The following CLSTN2 variants were observed in gnomAD, a reference collection of about 807,000 sequenced individuals.
CLSTN2 encodes calsyntenin-2.
Under a neutral mutation model 101.2 loss-of-function variants are expected in CLSTN2, and 48 were observed. The observed-to-expected ratio is 0.47, with a 90% confidence interval of 0.38 to 0.60. CLSTN2 has a LOEUF of 0.60. Among genes scored for constraint, CLSTN2 ranks in the 20% least tolerant of loss-of-function variants. The pLI, the probability that CLSTN2 is intolerant of heterozygous loss-of-function variation, is 0.00. For synonymous variants in CLSTN2, 481 were observed against 463.6 expected (o/e 1.04, Z -0.48); for missense variants, 1,160 against 1,238.2 (o/e 0.94, Z 0.95).
chr3:140,301,621 G>A (rs2087059586), intron 2 of CLSTN2, among the ~76,000 whole-genome samples: 1 of 152,178 alleles, frequency 6.6e-6, no homozygotes, highest in African/African-American at 2.4e-5. Flanking sequence ...ATGGATTCTT[G>A]CCCCAAAAGG....
chr3:140,415,645 A>G (rs2088424572), intron 4 of CLSTN2, among the ~76,000 whole-genome samples: 1 of 152,170 alleles, frequency 6.6e-6, no homozygotes, highest in African/African-American at 2.4e-5. Flanking sequence ...CAAACCCTCA[A>G]TGAGCTATCA....
intron 1 of CLSTN2, among the ~76,000 whole-genome samples, chr3:140,135,659 C>T (rs1258408208): frequency 5.9e-5 from 9 of 152,206 alleles, no homozygotes; most frequent in Non-Finnish European, 1.3e-4. Flanking sequence ...GTGGAGCACA[C>T]AATAACACGA....
At chr3:140,543,454 A>C (rs1376565607) in intron 9 of CLSTN2, among the ~76,000 whole-genome samples, 1 of 152,256 alleles carries the variant, frequency 6.6e-6, no homozygotes, top group African/African-American at 2.4e-5. Flanking sequence ...CCTCAAAAGA[A>C]ACTTATCCTT....
chr3:139,950,045 C>T (rs1935268178), intron 1 of CLSTN2, among the ~76,000 whole-genome samples: 1 of 152,142 alleles, frequency 6.6e-6, no homozygotes, highest in African/African-American at 2.4e-5. Flanking sequence ...GAGCCTACAG[C>T]TAGGGAGGCA....
intron 2 of CLSTN2, among the ~76,000 whole-genome samples, chr3:140,205,275 C>T (rs902196224): frequency 2.6e-5 from 4 of 152,134 alleles, no homozygotes; most frequent in African/African-American, 7.2e-5. Context: ...AATTCAAATG[C>T]GTATTGAGCT....
intron 8 of CLSTN2, among the ~76,000 whole-genome samples, chr3:140,476,644 G>C (rs371643478): frequency 3.8e-4 from 55 of 143,834 alleles, no homozygotes; most frequent in African/African-American, 1.3e-3. Context: ...CAGGAATCAT[G>C]TTTTAGCATC....
intron 15 of CLSTN2, among the ~76,000 whole-genome samples, 172 bp from the exon 16 acceptor site, chr3:140,563,789 T>C (rs930435800): frequency 6.6e-6 from 1 of 152,220 alleles, no homozygotes; most frequent in South Asian, 2.1e-4. Flanking sequence ...ATGTCCATTA[T>C]AGAGGTGATG....
chr3:140,444,572 A>G (rs915114809), intron 5 of CLSTN2, among the ~76,000 whole-genome samples: 5 of 152,222 alleles, frequency 3.3e-5, no homozygotes, highest in Non-Finnish European at 7.3e-5. Context: ...AGTGCTTGGC[A>G]CCTTGTCAGT....
chr3:140,215,189 C>A (rs2010905277), intron 2 of CLSTN2, among the ~76,000 whole-genome samples: 1 of 152,118 alleles, frequency 6.6e-6, no homozygotes. Context: ...CTTGCCTTGA[C>A]TTTTTTTCTT....
intron 1 of CLSTN2, among the ~76,000 whole-genome samples, chr3:140,016,907 CA>C (rs2107753904): frequency 6.6e-6 from 1 of 151,710 alleles, no homozygotes; most frequent in East Asian, 1.9e-4. Context: ...AGCTTCCAGT[CA>C]AAGTAGGCTA....
At chr3:140,254,813 C>T (rs1008692671) in intron 2 of CLSTN2, among the ~76,000 whole-genome samples, 1 of 152,084 alleles carries the variant, frequency 6.6e-6, no homozygotes, top group African/African-American at 2.4e-5. Flanking sequence ...GCAGCAAACA[C>T]AAAAATTGAC....
chr3:140,484,426 A>C (rs903379257), intron 8 of CLSTN2, among the ~76,000 whole-genome samples: 3 of 152,210 alleles, frequency 2.0e-5, no homozygotes, highest in Admixed American at 1.3e-4. Context: ...TTTGGTGAAT[A>C]TGACAATTAT....
intron 8 of CLSTN2, among the ~76,000 whole-genome samples, chr3:140,472,793 A>C (rs1933882741): frequency 6.6e-6 from 1 of 152,056 alleles, no homozygotes; most frequent in African/African-American, 2.4e-5. Flanking sequence ...TAATATATGT[A>C]TGTGTGTTTT....
At chr3:140,069,278 T>G (rs916723540) in intron 1 of CLSTN2, among the ~76,000 whole-genome samples, 39 of 152,304 alleles carry the variant, frequency 2.6e-4, no homozygotes, top group Non-Finnish European at 5.7e-4. Context: ...CTGGAGTCAG[T>G]GGCTGCCGGA....
At chr3:140,038,968 T>C (rs2007711585) in intron 1 of CLSTN2, among the ~76,000 whole-genome samples, 1 of 152,208 alleles carries the variant, frequency 6.6e-6, no homozygotes, top group Admixed American at 6.5e-5. Flanking sequence ...CCAGTGAGTT[T>C]ACTTGACTTC....
chr3:140,251,845 G>C (rs1193599716), intron 2 of CLSTN2, among the ~76,000 whole-genome samples: 1 of 152,140 alleles, frequency 6.6e-6, no homozygotes, highest in East Asian at 1.9e-4. Flanking sequence ...AGTGGAATCT[G>C]TGTGGAGCCT....
intron 1 of CLSTN2, among the ~76,000 whole-genome samples, chr3:140,162,249 ATTTTGAGAAC>A (rs1307925002): frequency 6.6e-6 from 1 of 152,208 alleles, no homozygotes; most frequent in Non-Finnish European, 1.5e-5. Context: ...TCCTGGCCAT[ATTTTGAGAAC>A]TTTTGTGCTG....
chr3:140,056,361 T>G (rs1001480464), intron 1 of CLSTN2, among the ~76,000 whole-genome samples: 4 of 152,150 alleles, frequency 2.6e-5, no homozygotes, highest in Admixed American at 2.6e-4. Context: ...CAACCCCCAC[T>G]CTGGGTTAGG....
chr3:140,471,913 C>T (rs1933857362), intron 8 of CLSTN2, among the ~76,000 whole-genome samples: 1 of 152,192 alleles, frequency 6.6e-6, no homozygotes, highest in South Asian at 2.1e-4. Context: ...ATTCTGCAGT[C>T]CACCTTTACT....
Sources: gnomAD v4.1 joint callset for allele counts (sites outside exome capture counted in the v4.1 genomes callset) on GRCh38, gnomAD v4.1.1 for gene constraint, MANE v1.5 for transcripts, NCBI Gene and HGNC (gene_info 2026-07-23, HGNC 2026-07-21) for gene names.